The following GPC6 variants were observed in gnomAD, a reference collection of about 807,000 sequenced individuals.
GPC6 encodes glypican-6.
Under a neutral mutation model 55.2 loss-of-function variants are expected in GPC6, and 14 were observed. The observed-to-expected ratio is 0.25, with a 90% CI of 0.17 to 0.40. The LOEUF (loss-of-function observed/expected upper bound fraction) is 0.40. Among genes scored for constraint, GPC6 ranks in the 10% least tolerant of loss-of-function variants. The pLI is 1.00. For synonymous variants in GPC6, 278 were observed against 259.6 expected (o/e 1.07, Z -0.68); for missense variants, 641 against 708.5 (o/e 0.90, Z 1.08).
intron 2 of GPC6, chr13:93,818,904 C>T (rs1014049882): frequency 6.6e-6 from 1 of 152,168 alleles, no homozygotes; most frequent in Non-Finnish European, 1.5e-5. Flanking sequence ...CACAATCATA[C>T]ATCAACTAAA....
At chr13:94,303,512 G>T (rs1327095476) in intron 5 of GPC6, among the ~76,000 whole-genome samples, 1 of 152,042 alleles carries the variant, frequency 6.6e-6, no homozygotes, top group Non-Finnish European at 1.5e-5. Context: ...TTTTCTAAGG[G>T]TATGATAGGA....
intron 2 of GPC6, among the ~76,000 whole-genome samples, chr13:93,761,350 A>T (rs1358583698): frequency 3.9e-5 from 6 of 152,188 alleles, no homozygotes; most frequent in Admixed American, 3.9e-4. Context: ...TTTTTAATAG[A>T]GACAGATTAG....
chr13:93,968,935 A>G (rs561455880), intron 3 of GPC6, among the ~76,000 whole-genome samples: 3 of 152,300 alleles, frequency 2.0e-5, no homozygotes, highest in Admixed American at 6.5e-5. Flanking sequence ...TGTTGGTATA[A>G]TATTTGATTT....
intron 4 of GPC6, among the ~76,000 whole-genome samples, chr13:94,068,455 C>T (rs1048745244): frequency 7.9e-5 from 12 of 152,142 alleles, no homozygotes; most frequent in Non-Finnish European, 1.5e-4. Context: ...CTCCTCTCAA[C>T]TCTTATGTCC....
intron 6 of GPC6, among the ~76,000 whole-genome samples, chr13:94,322,777 AG>A (rs1876899143): frequency 6.6e-6 from 1 of 152,130 alleles, no homozygotes; most frequent in Non-Finnish European, 1.5e-5. Flanking sequence ...CAAAAGCAGC[AG>A]GGTTGGTCAC....
Position 93,873,262 on chromosome 13 carries a change from C to A in GPC6, c.711+42717C>A, listed in dbSNP as rs189651479. Among the ~76,000 whole-genome samples, 6 of 152,026 alleles carry A rather than the reference C, an allele frequency of 3.9e-5. No homozygotes were observed. In the East Asian group the frequency reaches 1.2e-3, roughly 30 times the overall value. On this transcript the variant is annotated intron_variant, in intron 3 of 8. Coordinates refer to ENST00000377047, the MANE Select transcript of GPC6 (RefSeq NM_005708.5). ...GAAAATTCTGCCTAATTCTAATTTA[C>A]AAAATACTGACAGTTAATGCACTAC...
At chr13:93,468,422 C>G (rs766575925) in intron 1 of GPC6, among the ~76,000 whole-genome samples, 5 of 151,448 alleles carry the variant, frequency 3.3e-5, no homozygotes, top group Non-Finnish European at 7.4e-5. Flanking sequence ...TGTAAAGCAT[C>G]CTCATGAAGT....
At chr13:93,739,522 C>G (rs897437149) in intron 2 of GPC6, among the ~76,000 whole-genome samples, 2 of 151,838 alleles carry the variant, frequency 1.3e-5, no homozygotes, top group Admixed American at 6.6e-5. Flanking sequence ...CTCTGCCTCC[C>G]GGGTTCGCGC....
intron 1 of GPC6, among the ~76,000 whole-genome samples, chr13:93,424,289 C>A (rs996873447): frequency 3.3e-5 from 5 of 152,140 alleles, no homozygotes; most frequent in Non-Finnish European, 5.9e-5. Flanking sequence ...GAAGCTCAGC[C>A]CTCGTGCCCC....
chr13:93,657,238 G>A (rs922424631), intron 2 of GPC6, among the ~76,000 whole-genome samples: 2 of 151,978 alleles, frequency 1.3e-5, no homozygotes, highest in Non-Finnish European at 2.9e-5. Flanking sequence ...CATGGTACTG[G>A]TTCAAAAAAT....
intron 4 of GPC6, among the ~76,000 whole-genome samples, chr13:94,083,289 T>G (rs1885168267): frequency 6.6e-6 from 1 of 152,190 alleles, no homozygotes; most frequent in East Asian, 1.9e-4. Context: ...CGTCTAATTT[T>G]TTGTATTTTA....
chr13:94,064,991 A>C (rs915000006), intron 4 of GPC6, among the ~76,000 whole-genome samples: 1 of 152,168 alleles, frequency 6.6e-6, no homozygotes, highest in Non-Finnish European at 1.5e-5. Context: ...GTGAGACTTC[A>C]CAGAAAAAGG....
In GPC6 at chr13:94,337,809, G is replaced by A. The variant is rs1289352636; in HGVS notation, c.1152+31686G>A. 5.3e-5 allele frequency among the ~76,000 whole-genome samples: 8 copies of A among 152,220 alleles called. No homozygotes were observed. In the East Asian group the frequency reaches 7.7e-4, roughly 15 times the overall value. The stretch of plus-strand genomic sequence containing the variant: ...CTACATTTAAATAATAATATCCAAC[G>A]GGAGAAGACACAGAAAGCCCTCAGA... On this transcript the variant is annotated intron_variant, in intron 6 of 8. Coordinates refer to ENST00000377047, the MANE Select transcript of GPC6 (RefSeq NM_005708.5).
At chr13:93,847,830 A>G (rs1203963184) in intron 3 of GPC6, among the ~76,000 whole-genome samples, 1 of 152,198 alleles carries the variant, frequency 6.6e-6, no homozygotes, top group South Asian at 2.1e-4. Flanking sequence ...TGGCAGAAGT[A>G]TATGCCTCTG....
At chr13:93,898,953 A>G (rs1247970504) in intron 3 of GPC6, among the ~76,000 whole-genome samples, 1 of 146,422 alleles carries the variant, frequency 6.8e-6, no homozygotes, top group Non-Finnish European at 1.5e-5. Flanking sequence ...ATATATATAT[A>G]TATATATATA....
intron 5 of GPC6, among the ~76,000 whole-genome samples, chr13:94,289,617 T>C (rs1005373887): frequency 2.6e-5 from 4 of 152,140 alleles, no homozygotes; most frequent in Admixed American, 6.5e-5. Context: ...GGTTAGACAG[T>C]TAGATGTTCC....
At chr13:93,370,855 A>C (rs950458555) in intron 1 of GPC6, among the ~76,000 whole-genome samples, 4 of 152,170 alleles carry the variant, frequency 2.6e-5, no homozygotes, top group African/African-American at 9.6e-5. Context: ...CCTCCTTTAG[A>C]AAACATTGAG....
intron 1 of GPC6, among the ~76,000 whole-genome samples, chr13:93,340,789 A>T (rs1880228705): frequency 1.3e-5 from 2 of 151,776 alleles, no homozygotes; most frequent in Middle Eastern, 3.4e-3. Flanking sequence ...ATTTATTTTT[A>T]TTTTTTTTAT....
At chr13:93,649,952 G>A (rs1294834064) in intron 2 of GPC6, among the ~76,000 whole-genome samples, 1 of 152,128 alleles carries the variant, frequency 6.6e-6, no homozygotes, top group Non-Finnish European at 1.5e-5. Flanking sequence ...TTCAAGAGTT[G>A]TATAATATTC....
Sources: allele counts gnomAD v4.1 joint callset (sites outside exome capture counted in the v4.1 genomes callset), GRCh38; gene constraint gnomAD v4.1.1; transcripts MANE v1.5; gene names NCBI Gene and HGNC (gene_info 2026-07-23, HGNC 2026-07-21).